The following DPYSL5 variants were observed in gnomAD, a reference collection of about 807,000 sequenced individuals.
The protein encoded by DPYSL5 is dihydropyrimidinase-related protein 5.
A neutral mutation model predicts 58.4 loss-of-function variants in DPYSL5; 9 were observed. That is an observed-to-expected ratio of 0.15 (90% CI 0.09 to 0.27). The LOEUF (loss-of-function observed/expected upper bound fraction) is 0.27. DPYSL5 is among the 10% of genes least tolerant of loss of function. The pLI is 1.00. For missense variants in DPYSL5, 499 were observed against 770.6 expected, an observed-to-expected ratio of 0.65 and a Z score of 4.17; for synonymous variants, 293 against 301.9, an observed-to-expected ratio of 0.97 and a Z score of 0.31.
In DPYSL5 at chr2:26,948,103, A is replaced by ACACACACACG. The variant is rs1665537814; in HGVS notation, c.*1115_*1116insACGCACACAC. Reference sequence around the variant, plus strand: ...CACACACACACACACACACACACACACACACACGCACGGCTTCCTATAACT... The same window carrying ACACACACACG: ...CACACACACACACACACACACACACACACACACACGCACACACGCACGGCTTCCTATAACT... On this transcript the variant is annotated 3_prime_UTR_variant, in exon 13 of 13. Transcript: ENST00000288699. 1 of 155,620 alleles carries ACACACACACG rather than the reference A, an allele frequency of 6.4e-6. No homozygotes were observed. Among genetic ancestry groups the ACACACACACG allele is most frequent in the African/African-American group, 2.4e-5 (1 of 41,250 alleles). The allele number at this position is 155,620 out of a possible 1,614,324, so 9.6% of individuals were successfully genotyped here. A position where few individuals can be genotyped will look rare whatever the true frequency, so the allele number is the denominator to read the frequency against.
At chr2:26,910,337 T>C (rs1444538586) in intron 2 of DPYSL5, among the ~76,000 whole-genome samples, 2 of 152,198 alleles carry the variant, frequency 1.3e-5, no homozygotes, top group South Asian at 4.1e-4. Context: ...GTAACAATTT[T>C]TTTTTCCCCA....
chr2:26,878,301 G>T (rs71441052), intron 1 of DPYSL5, among the ~76,000 whole-genome samples: 1 of 152,054 alleles, frequency 6.6e-6, no homozygotes, highest in African/African-American at 2.4e-5. Context: ...TCCTCCCCTT[G>T]TGGGTTACCT....
chr2:26,895,325 ACAC>A (rs1405602453), intron 1 of DPYSL5, among the ~76,000 whole-genome samples: 1 of 152,224 alleles, frequency 6.6e-6, no homozygotes, highest in Admixed American at 6.5e-5. Flanking sequence ...GGGAGAATTG[ACAC>A]CATGTTGAGT....
intron 3 of DPYSL5, among the ~76,000 whole-genome samples, chr2:26,926,996 C>T (rs527245220): frequency 2.0e-5 from 3 of 152,344 alleles, no homozygotes; most frequent in South Asian, 4.1e-4. Flanking sequence ...ATAGGAGAAA[C>T]GTGCCTATAA....
intron 5 of DPYSL5, among the ~76,000 whole-genome samples, chr2:26,929,263 G>A (rs999476022): frequency 1.3e-5 from 2 of 151,936 alleles, no homozygotes; most frequent in South Asian, 2.1e-4. Flanking sequence ...ATGGAGTCTC[G>A]CTCTTGTTGC....
chr2:26,920,179 CTTT>C (rs59629403), intron 2 of DPYSL5, among the ~76,000 whole-genome samples: 5 of 151,686 alleles, frequency 3.3e-5, no homozygotes, highest in East Asian at 3.9e-4. Flanking sequence ...TATTTCATTT[CTTT>C]TTTTTTAAAA....
intron 1 of DPYSL5, among the ~76,000 whole-genome samples, chr2:26,881,595 G>A (rs975208907): frequency 6.6e-6 from 1 of 152,208 alleles, no homozygotes; most frequent in Admixed American, 6.5e-5. Context: ...GGCAGGAGCA[G>A]GCACAGGAGG....
intron 2 of DPYSL5, among the ~76,000 whole-genome samples, chr2:26,919,443 C>T (rs985885983): frequency 2.0e-5 from 3 of 152,064 alleles, no homozygotes; most frequent in Non-Finnish European, 2.9e-5. Context: ...AAAATAATAG[C>T]GACACTTTGA....
At chr2:26,868,359 T>TTG (rs150968290) in intron 1 of DPYSL5, among the ~76,000 whole-genome samples, 23 of 151,742 alleles carry the variant, frequency 1.5e-4, no homozygotes, top group African/African-American at 5.1e-4. Flanking sequence ...AATTGTGTCT[T>TTG]TGTGTGTGTG....
Position 26,944,876 on chromosome 2 carries a change from C to T in DPYSL5, c.1609+52C>T, listed in dbSNP as rs1317612025. On this transcript the variant is annotated intron_variant, in intron 12 of 12. Transcript: ENST00000288699. This position sits in a 1 kb window ranked among gnomAD's most constrained non-coding sequence, Gnocchi z 4.4. ...GGATGGGGGTCTGGGAGAAGTGGCCCACCTAGGCAGTGGGACTTACGCCTG... is the reference window on the plus strand; with the variant it reads ...GGATGGGGGTCTGGGAGAAGTGGCCTACCTAGGCAGTGGGACTTACGCCTG... 6 of 1,574,368 alleles carry T rather than the reference C, an allele frequency of 3.8e-6. No individual in the cohort carries two copies. The South Asian group carries it at 5.6e-5, about 15-fold the overall frequency.
chr2:26,928,160 G>A (rs758523230), intron 4 of DPYSL5, 95 bp from the exon 5 acceptor site: 17 of 1,263,100 alleles, frequency 1.3e-5, no homozygotes, highest in Middle Eastern at 1.9e-4. Context: ...TGAAACAGGC[G>A]GTGTCTAGCA....
At position 26,882,240 on chromosome 2, in the gene DPYSL5, T is replaced by C. The variant is rs116581544; in HGVS notation, c.-4-16256T>C. Among the ~76,000 whole-genome samples, 1,356 of 152,092 alleles carry C rather than the reference T, an allele frequency of 8.9e-3. 22 individuals carry two copies. The highest frequency in any genetic ancestry group is 0.031 in the African/African-American group (1,266 of 41,478). Reference sequence around the variant, plus strand: ...GTACTTGCATGATTTTAAAGTACAATATTTACTTATTTATTTATTCATTGA... The same window carrying C: ...GTACTTGCATGATTTTAAAGTACAACATTTACTTATTTATTTATTCATTGA... On this transcript the variant is annotated intron_variant, in intron 1 of 12. Coordinates refer to ENST00000288699, the MANE Select transcript of DPYSL5 (RefSeq NM_020134.4).
intron 2 of DPYSL5, among the ~76,000 whole-genome samples, chr2:26,919,142 G>C (rs891463308): frequency 6.6e-6 from 1 of 152,190 alleles, no homozygotes; most frequent in African/African-American, 2.4e-5. Flanking sequence ...AATCTTATCT[G>C]AAGGGCCACA....
chr2:26,942,689 A>C lies in DPYSL5; in HGVS notation c.1379A>C (p.Lys460Thr), dbSNP rs1409009410. The C allele has an allele frequency of 1.9e-6, 3 of 1,614,096 alleles. No individual in the cohort carries two copies. Among genetic ancestry groups the C allele is most frequent in the Non-Finnish European group, 2.5e-6 (3 of 1,180,036 alleles). ...TTCATGTGCGCCGAGGGCACCGGCA[A>C]GTTCTGTCCCCTGAGGTCCTTCCCA... ...GVFMCAEGTG[K>T]FCPLRSFPDT... is the part of the protein sequence containing the mutation. The change falls in exon 11 of 13, where the codon AAG becomes ACG. Residue 460 changes from lysine (K) to threonine (T), a missense_variant. Coordinates refer to ENST00000288699, the MANE Select transcript of DPYSL5 (RefSeq NM_020134.4). This position sits in a 1 kb window ranked among gnomAD's most constrained non-coding sequence, Gnocchi z 5.9.
At chr2:26,941,709 C>A (rs1558356396) in intron 9 of DPYSL5, among the ~76,000 whole-genome samples, 1 of 152,194 alleles carries the variant, frequency 6.6e-6, no homozygotes, top group Non-Finnish European at 1.5e-5. Flanking sequence ...GGGCAGGAAG[C>A]CTGAATGGAA....
chr2:26,934,663 T>C lies in DPYSL5; in HGVS notation c.876T>C (p.Ala292=). Residue 292 remains alanine, a synonymous_variant, in exon 8 of 13, where the codon GCT becomes GCC. Transcript: ENST00000288699. The surrounding 1 kb of genome is among the most constrained non-coding windows in gnomAD (Gnocchi z 4.3). ...ACCACCAGGACTGGTCCCACGCGGC[T>C]GCCTATGTCACGGTGCCTCCCCTGA... The part of the protein sequence containing the change: ...HYYHQDWSHA[A]AYVTVPPLRL... 6.2e-7 allele frequency: 1 copy of C among 1,614,126 alleles called. No individual in the cohort carries two copies. The highest frequency in any genetic ancestry group is 1.1e-5 in the South Asian group (1 of 91,074).
intron 5 of DPYSL5, among the ~76,000 whole-genome samples, chr2:26,929,118 CAT>C (rs1033360655): frequency 6.6e-6 from 1 of 152,152 alleles, no homozygotes; most frequent in Admixed American, 6.5e-5. Flanking sequence ...CTTAGATTCT[CAT>C]AGAAGTGTGA....
At chr2:26,918,668 C>A (rs1343203727) in intron 2 of DPYSL5, among the ~76,000 whole-genome samples, 1 of 152,114 alleles carries the variant, frequency 6.6e-6, no homozygotes, top group Non-Finnish European at 1.5e-5. Context: ...CACATCCACT[C>A]GTCATTTGAT....
At chr2:26,896,208 C>T (rs1664016732) in intron 1 of DPYSL5, among the ~76,000 whole-genome samples, 1 of 152,212 alleles carries the variant, frequency 6.6e-6, no homozygotes, top group Non-Finnish European at 1.5e-5. Context: ...AGTTATTACA[C>T]ATGACAGGAC....
Sources: gnomAD v4.1 joint callset for allele counts (sites outside exome capture counted in the v4.1 genomes callset) on GRCh38, gnomAD v4.1.1 for gene constraint, Gnocchi (gnomAD v3.1) non-coding constraint, MANE v1.5 for transcripts, NCBI Gene and HGNC (gene_info 2026-07-23, HGNC 2026-07-21) for gene names.